BMPR1B: variants seen among roughly 807,000 people sequenced by gnomAD.
BMPR1B encodes the protein bone morphogenetic protein receptor type 1B, also known as bone morphogenetic protein receptor type-1B.
BMPR1B carries 12 observed loss-of-function variants against 59.1 expected under a neutral mutation model. The observed-to-expected ratio is 0.20, with a 90% confidence interval of 0.13 to 0.33. BMPR1B has a LOEUF of 0.33. BMPR1B is among the 10% of genes least tolerant of loss of function. The pLI, the probability that BMPR1B is intolerant of heterozygous loss-of-function variation, is 1.00. For synonymous variants in BMPR1B, 237 were observed against 207.3 expected, an observed-to-expected ratio of 1.14 and a Z score of -1.23; for missense variants, 550 against 610.9, an observed-to-expected ratio of 0.90 and a Z score of 1.05.
rs1731050628 is a variant in BMPR1B, at chr4:95,104,400, T to C, written c.-17-8T>C. 3 of 1,612,734 alleles carry C rather than the reference T, an allele frequency of 1.9e-6. No individual in the cohort carries two copies. The highest frequency in any genetic ancestry group is 2.2e-5 in the East Asian group (1 of 44,778). The stretch of plus-strand genomic sequence containing the variant: ...CAGATGCCTAACTCTCACTATTTCT[T>C]CTTTCAGCAAACTTCCTTGATAACA... On this transcript the variant is annotated splice_polypyrimidine_tract_variant and splice_region_variant and intron_variant, in intron 3 of 12. Coordinates refer to ENST00000515059, the MANE Select transcript of BMPR1B (RefSeq NM_001203.3).
chr4:95,094,085 G>C (rs1730194771), intron 3 of BMPR1B, among the ~76,000 whole-genome samples: 1 of 151,996 alleles, frequency 6.6e-6, no homozygotes, highest in South Asian at 2.1e-4. Flanking sequence ...ATATGTAGTT[G>C]ATTTGTCTCA....
At chr4:94,787,805 TGTG>T (rs3067231) in intron 1 of BMPR1B, among the ~76,000 whole-genome samples, 83,237 of 151,630 alleles carry the variant, frequency 0.55, 23,068 homozygotes, top group Middle Eastern at 0.7. Context: ...GCAATATCAA[TGTG>T]GTAACCCACA....
At chr4:95,064,961 T>A (rs576873259) in intron 3 of BMPR1B, among the ~76,000 whole-genome samples, 9 of 152,198 alleles carry the variant, frequency 5.9e-5, no homozygotes, top group Admixed American at 3.9e-4. Context: ...GTAAACAGTC[T>A]GGCAGTTTCT....
chr4:94,783,832 G>T (rs1235331748), intron 1 of BMPR1B, among the ~76,000 whole-genome samples: 1 of 152,158 alleles, frequency 6.6e-6, no homozygotes, highest in Non-Finnish European at 1.5e-5. Context: ...CACCAGGAAT[G>T]TAGCCGTTGT....
intron 2 of BMPR1B, among the ~76,000 whole-genome samples, chr4:94,889,289 A>G (rs1298399628): frequency 6.6e-6 from 1 of 152,066 alleles, no homozygotes; most frequent in East Asian, 1.9e-4. Context: ...TTTTCCAGTA[A>G]TAATACTGCA....
intron 3 of BMPR1B, among the ~76,000 whole-genome samples, chr4:95,063,680 A>G (rs1727581250): frequency 6.6e-6 from 1 of 152,226 alleles, no homozygotes; most frequent in Admixed American, 6.5e-5. Context: ...GTTAACAGTA[A>G]AATCAGTAGT....
chr4:94,800,235 TAAGTC>T (rs1299655253), intron 1 of BMPR1B, among the ~76,000 whole-genome samples: 3 of 152,152 alleles, frequency 2.0e-5, no homozygotes, highest in African/African-American at 4.8e-5. Context: ...TACAAATACA[TAAGTC>T]AAGATCATTT....
chr4:94,781,570 C>G (rs138440693), intron 1 of BMPR1B, among the ~76,000 whole-genome samples: 1 of 152,012 alleles, frequency 6.6e-6, no homozygotes, highest in Non-Finnish European at 1.5e-5. Context: ...CCACCACGCA[C>G]CTGGCTAATT....
chr4:94,786,716 T>C (rs1232904474), intron 1 of BMPR1B, among the ~76,000 whole-genome samples: 1 of 87,292 alleles, frequency 1.1e-5, no homozygotes, highest in Non-Finnish European at 2.4e-5. Context: ...TTTTTTGTAT[T>C]TTTTTTTTTA....
At chr4:95,014,615 A>T (rs1723454002) in intron 3 of BMPR1B, among the ~76,000 whole-genome samples, 1 of 152,230 alleles carries the variant, frequency 6.6e-6, no homozygotes, top group Non-Finnish European at 1.5e-5. Context: ...TATGTAGGGT[A>T]AGATGATGCA....
At chr4:95,073,371 T>A (rs190851862) in intron 3 of BMPR1B, among the ~76,000 whole-genome samples, 4 of 152,290 alleles carry the variant, frequency 2.6e-5, no homozygotes, top group Non-Finnish European at 5.9e-5. Flanking sequence ...ATGCAACATT[T>A]TGGTGAATGT....
intron 2 of BMPR1B, among the ~76,000 whole-genome samples, chr4:94,882,814 A>G (rs957825974): frequency 6.6e-6 from 1 of 152,138 alleles, no homozygotes; most frequent in Non-Finnish European, 1.5e-5. Flanking sequence ...CATGGTTTCA[A>G]ATGTGGGAAT....
intron 1 of BMPR1B, among the ~76,000 whole-genome samples, chr4:94,780,958 G>T (rs191030067): frequency 7.2e-5 from 11 of 152,156 alleles, no homozygotes; most frequent in Non-Finnish European, 1.3e-4. Flanking sequence ...AAAGTTCTGG[G>T]ATTACAGGTG....
chr4:95,017,227 T>C (rs1723644238), intron 3 of BMPR1B, among the ~76,000 whole-genome samples: 1 of 152,206 alleles, frequency 6.6e-6, no homozygotes, highest in Non-Finnish European at 1.5e-5. Flanking sequence ...TCAATATTGT[T>C]CTTTTCAGTT....
At chr4:94,958,928 G>A (rs988792122) in intron 2 of BMPR1B, among the ~76,000 whole-genome samples, 3 of 152,086 alleles carry the variant, frequency 2.0e-5, no homozygotes, top group African/African-American at 4.8e-5. Flanking sequence ...TACAGGTCAG[G>A]AGTTATAAAC....
chr4:94,799,198 G>T (rs1252518730), intron 1 of BMPR1B, among the ~76,000 whole-genome samples: 1 of 148,604 alleles, frequency 6.7e-6, no homozygotes, highest in Non-Finnish European at 1.5e-5. Flanking sequence ...TTGCTCTCTT[G>T]ATGCAGAAAA....
At chr4:95,026,015 A>G (rs1724327668) in intron 3 of BMPR1B, among the ~76,000 whole-genome samples, 1 of 152,144 alleles carries the variant, frequency 6.6e-6, no homozygotes, top group African/African-American at 2.4e-5. Context: ...AGGGTACGTC[A>G]GGCCTCCTGT....
chr4:94,848,718 G>T (rs910775429), intron 1 of BMPR1B, among the ~76,000 whole-genome samples: 2 of 152,196 alleles, frequency 1.3e-5, no homozygotes, highest in African/African-American at 4.8e-5. Flanking sequence ...AGGACAAAGG[G>T]TGGGAGTGAG....
chr4:94,883,775 A>T (rs1248666333), intron 2 of BMPR1B, among the ~76,000 whole-genome samples: 16 of 152,120 alleles, frequency 1.1e-4, no homozygotes, highest in Admixed American at 8.5e-4. Flanking sequence ...TTTTTCAGTA[A>T]TCCTTTGAGG....
Sources: gnomAD v4.1 joint callset for allele counts (sites outside exome capture counted in the v4.1 genomes callset) on GRCh38, gnomAD v4.1.1 for gene constraint, MANE v1.5 for transcripts, NCBI Gene and HGNC (gene_info 2026-07-23, HGNC 2026-07-21) for gene names.